Variants in LGR5 observed in about 807,000 individuals in gnomAD.
The protein encoded by LGR5 is leucine-rich repeat-containing G protein-coupled receptor 5.
A neutral mutation model predicts 76.7 loss-of-function variants in LGR5; 54 were observed. The observed-to-expected ratio is 0.70, with a 90% CI of 0.57 to 0.88. LGR5 has a LOEUF of 0.88. LGR5 is among the 40% of genes least tolerant of loss of function. The pLI is 0.00. For missense variants in LGR5, 1,078 were observed against 1,073.3 expected (o/e 1.00, Z -0.06); for synonymous variants, 406 against 421.9 (o/e 0.96, Z 0.46).
At chr12:71,557,528 A>G (rs1301720558) in intron 6 of LGR5, among the ~76,000 whole-genome samples, 1 of 152,218 alleles carries the variant, frequency 6.6e-6, no homozygotes, top group East Asian at 1.9e-4. Context: ...GTTTACTACT[A>G]CATACTACTT....
chr12:71,513,466 T>C (rs545568879), intron 2 of LGR5, among the ~76,000 whole-genome samples: 1 of 152,304 alleles, frequency 6.6e-6, no homozygotes, highest in South Asian at 2.1e-4. Flanking sequence ...ACCAGAGTAA[T>C]AATTAAAAAC....
intron 1 of LGR5, among the ~76,000 whole-genome samples, chr12:71,498,227 T>C (rs1318210028): frequency 6.6e-6 from 1 of 152,198 alleles, no homozygotes; most frequent in Admixed American, 6.5e-5. Flanking sequence ...CTGTGAAAGG[T>C]GAGCAAAACA....
At chr12:71,518,779 G>A (rs921703662) in intron 2 of LGR5, among the ~76,000 whole-genome samples, 3 of 152,132 alleles carry the variant, frequency 2.0e-5, no homozygotes, top group Non-Finnish European at 4.4e-5. Flanking sequence ...ATAAGTGGGA[G>A]CTAAATGATG....
intron 2 of LGR5, among the ~76,000 whole-genome samples, chr12:71,511,422 C>T (rs543642629): frequency 6.6e-6 from 1 of 152,196 alleles, no homozygotes; most frequent in Non-Finnish European, 1.5e-5. Flanking sequence ...AGAAAACTGC[C>T]TTTAACAAGC....
chr12:71,538,282 G>C (rs113210722), intron 4 of LGR5, among the ~76,000 whole-genome samples: 58 of 152,330 alleles, frequency 3.8e-4, no homozygotes, highest in African/African-American at 1.3e-3. Flanking sequence ...GGAGGCTGAA[G>C]TGGGAGGATC....
intron 1 of LGR5, among the ~76,000 whole-genome samples, chr12:71,459,681 A>T (rs1467746095): frequency 6.6e-6 from 1 of 152,142 alleles, no homozygotes; most frequent in Non-Finnish European, 1.5e-5. Flanking sequence ...TGAGGAAGAC[A>T]GGCAAGAAAA....
intron 4 of LGR5, among the ~76,000 whole-genome samples, chr12:71,550,097 G>A (rs1440377813): frequency 6.6e-6 from 1 of 152,150 alleles, no homozygotes; most frequent in Non-Finnish European, 1.5e-5. Flanking sequence ...CATGCTGAAA[G>A]AGCCTTTTCC....
At chr12:71,480,466 T>C (rs1046504452) in intron 1 of LGR5, among the ~76,000 whole-genome samples, 2 of 151,936 alleles carry the variant, frequency 1.3e-5, no homozygotes, top group Non-Finnish European at 2.9e-5. Flanking sequence ...GACAGAACCT[T>C]GTACCAGACA....
At position 71,570,867 on chromosome 12, in the gene LGR5, T is replaced by C. The variant is rs953252449; in HGVS notation, c.1071-647T>C. ...TGATTAGCTGATAACTTTTAAAACATGAAACAAAATTGTTCTTATATATCT... is the reference window on the plus strand; with the variant it reads ...TGATTAGCTGATAACTTTTAAAACACGAAACAAAATTGTTCTTATATATCT... On this transcript the variant is annotated intron_variant, in intron 11 of 17. Transcript: ENST00000266674. Among the ~76,000 whole-genome samples the C allele has an allele frequency of 4.4e-4, 67 of 152,190 alleles. 1 individual carries two copies. Among genetic ancestry groups the C allele is most frequent in the Non-Finnish European group, 2.9e-5 (2 of 68,004 alleles).
intron 12 of LGR5, among the ~76,000 whole-genome samples, chr12:71,572,233 T>C (rs561449455): frequency 4.1e-4 from 62 of 152,064 alleles, no homozygotes; most frequent in Admixed American, 3.1e-3. Context: ...CAGGCACCCA[T>C]CACCATGCCT....
intron 17 of LGR5, among the ~76,000 whole-genome samples, chr12:71,583,013 G>C (rs1289095307): frequency 2.2e-5 from 3 of 138,136 alleles, no homozygotes; most frequent in African/African-American, 7.9e-5. Flanking sequence ...GGAGGGAAGG[G>C]AAGGGAAGGA....
intron 5 of LGR5, among the ~76,000 whole-genome samples, 188 bp downstream of exon 5, chr12:71,553,476 AC>A (rs1877600457): frequency 1.3e-5 from 2 of 152,254 alleles, no homozygotes; most frequent in South Asian, 4.1e-4. Context: ...CTTATCAATT[AC>A]CTGCTAGATG....
intron 2 of LGR5, among the ~76,000 whole-genome samples, chr12:71,522,458 C>G (rs143781054): frequency 1.6e-4 from 25 of 152,218 alleles, no homozygotes; most frequent in African/African-American, 5.5e-4. Flanking sequence ...TTATTAAGTG[C>G]CAACACCATG....
At chr12:71,492,609 CA>C (rs1311331889) in intron 1 of LGR5, among the ~76,000 whole-genome samples, 4 of 152,184 alleles carry the variant, frequency 2.6e-5, no homozygotes, top group African/African-American at 9.7e-5. Flanking sequence ...GAGAATCCCT[CA>C]GAACCCCATT....
At chr12:71,530,124 T>C in intron 3 of LGR5, among the ~76,000 whole-genome samples, 1 of 152,126 alleles carries the variant, frequency 6.6e-6, no homozygotes. Flanking sequence ...AACAATAAAG[T>C]ATATTGATTT....
chr12:71,491,685 G>T (rs1237369180), intron 1 of LGR5, among the ~76,000 whole-genome samples: 3 of 150,982 alleles, frequency 2.0e-5, no homozygotes. Flanking sequence ...GACCCCTGTG[G>T]CATTACAGTC....
At chr12:71,524,293 T>C (rs1322953054) in intron 2 of LGR5, 113 bp from the exon 3 acceptor site, 5 of 694,812 alleles carry the variant, frequency 7.2e-6, no homozygotes, top group Non-Finnish European at 1.2e-5. Flanking sequence ...TTGTTTACAG[T>C]TGCTTTTGAT....
intron 1 of LGR5, among the ~76,000 whole-genome samples, chr12:71,493,943 A>ATTTTTT (rs547681278): frequency 2.6e-5 from 3 of 116,586 alleles, no homozygotes; most frequent in African/African-American, 1.0e-4. Context: ...TAATTTTTTG[A>ATTTTTT]TTTTTTTTTT....
chr12:71,467,004 C>G (rs1292168442), intron 1 of LGR5, among the ~76,000 whole-genome samples: 1 of 139,028 alleles, frequency 7.2e-6, no homozygotes, highest in Non-Finnish European at 1.5e-5. Context: ...ATAATGTGGA[C>G]CAGGTTTTTT....
Sources: gnomAD v4.1 joint callset for allele counts (sites outside exome capture counted in the v4.1 genomes callset) on GRCh38, gnomAD v4.1.1 for gene constraint, MANE v1.5 for transcripts, NCBI Gene and HGNC (gene_info 2026-07-23, HGNC 2026-07-21) for gene names.